LOC400499: variants seen among roughly 807,000 people sequenced by gnomAD.
the LOC400499 span, among the ~76,000 whole-genome samples, chr16:11,515,499 G>A: frequency 4.6e-3 from 692 of 150,930 alleles, 7 homozygotes; most frequent in African/African-American, 0.015. Flanking sequence ...ACATACATAC[G>A]TACGTACATA....
chr16:11,420,019 T>G, the LOC400499 span, among the ~76,000 whole-genome samples: 3 of 150,158 alleles, frequency 2.0e-5, no homozygotes, highest in Non-Finnish European at 4.4e-5. Context: ...GTTCAACCAT[T>G]GTGGAAGTCA....
At chr16:11,435,091 C>T in the LOC400499 span, among the ~76,000 whole-genome samples, 329 of 152,198 alleles carry the variant, frequency 2.2e-3, 1 homozygote, top group African/African-American at 7.5e-3. Flanking sequence ...GCAATCCTCT[C>T]GCCTCAGCCT....
the LOC400499 span, chr16:11,384,016 G>C: frequency 8.1e-7 from 1 of 1,231,798 alleles, no homozygotes; most frequent in African/African-American, 1.5e-5. Context: ...CACCTGGCAG[G>C]ATGGATGCAA....
At chr16:11,452,550 G>A in the LOC400499 span, among the ~76,000 whole-genome samples, 3 of 152,232 alleles carry the variant, frequency 2.0e-5, no homozygotes, top group African/African-American at 7.2e-5. Flanking sequence ...CAAAGTGAAT[G>A]GGGATGGCAC....
chr16:11,444,149 G>A, the LOC400499 span, among the ~76,000 whole-genome samples: 3 of 152,112 alleles, frequency 2.0e-5, no homozygotes, highest in African/African-American at 7.2e-5. Flanking sequence ...CCCAATCCCA[G>A]CACTTTGGAA....
chr16:11,507,368 C>T, the LOC400499 span, among the ~76,000 whole-genome samples: 1 of 127,628 alleles, frequency 7.8e-6, no homozygotes, highest in African/African-American at 4.9e-5. Context: ...GCCTCCCCCA[C>T]ACACTCCACA....
the LOC400499 span, chr16:11,469,207 C>T: frequency 2.5e-6 from 1 of 399,498 alleles, no homozygotes; most frequent in African/African-American, 2.1e-5. Context: ...TCATCCAGCA[C>T]CAGCTCCAAG....
chr16:11,459,053 AAAAT>A, the LOC400499 span, among the ~76,000 whole-genome samples: 21 of 151,760 alleles, frequency 1.4e-4, 1 homozygote, highest in African/African-American at 2.4e-5. Flanking sequence ...AATAAAAAAT[AAAAT>A]AAATAAATAA....
At chr16:11,443,529 C>T in the LOC400499 span, 2 of 337,792 alleles carry the variant, frequency 5.9e-6, no homozygotes, top group East Asian at 9.0e-5. Flanking sequence ...CTTCCTTGCA[C>T]ACAGTAGATG....
chr16:11,512,580 G>A, the LOC400499 span, among the ~76,000 whole-genome samples: 5 of 152,064 alleles, frequency 3.3e-5, no homozygotes, highest in Admixed American at 2.0e-4. Flanking sequence ...CAGCCTGGGC[G>A]ACAAAGCAAG....
At chr16:11,392,696 G>A in the LOC400499 span, 19 of 844,036 alleles carry the variant, frequency 2.3e-5, no homozygotes, top group African/African-American at 3.7e-5. Context: ...CCCCCGACAC[G>A]GCAGTCAGTT....
chr16:11,485,807 G>A, the LOC400499 span, among the ~76,000 whole-genome samples: 1 of 152,202 alleles, frequency 6.6e-6, no homozygotes, highest in Non-Finnish European at 1.5e-5. Flanking sequence ...GCAATGACTG[G>A]TGAGTGGATG....
At chr16:11,377,838 A>G in the LOC400499 span, among the ~76,000 whole-genome samples, 178 of 152,330 alleles carry the variant, frequency 1.2e-3, 5 homozygotes, top group East Asian at 0.019. Flanking sequence ...TCTTTCCTCA[A>G]TGTTTTGGAA....
the LOC400499 span, among the ~76,000 whole-genome samples, chr16:11,512,257 G>A: frequency 2.0e-5 from 3 of 151,910 alleles, no homozygotes; most frequent in African/African-American, 7.3e-5. Context: ...ACTCCAGCCT[G>A]GGCAACAGAG....
At chr16:11,515,487 ATACATACATACGTACG>A in the LOC400499 span, among the ~76,000 whole-genome samples, 2 of 145,564 alleles carry the variant, frequency 1.4e-5, no homozygotes, top group Admixed American at 6.6e-5. Context: ...ACGTACATAC[ATACATACATACGTACG>A]TACATACATA....
At chr16:11,401,542 T>C in the LOC400499 span, 2 of 398,008 alleles carry the variant, frequency 5.0e-6, no homozygotes, top group Non-Finnish European at 8.8e-6. Flanking sequence ...ACCCCATCCC[T>C]GTGCAAGGCC....
chr16:11,498,001 A>T, the LOC400499 span, among the ~76,000 whole-genome samples: 6 of 152,166 alleles, frequency 3.9e-5, no homozygotes, highest in Non-Finnish European at 8.8e-5. Context: ...AGCTGATTTC[A>T]CTTTTCCAAC....
At chr16:11,501,746 G>A in the LOC400499 span, among the ~76,000 whole-genome samples, 1 of 152,020 alleles carries the variant, frequency 6.6e-6, no homozygotes, top group South Asian at 2.1e-4. Flanking sequence ...GCCCCCAGCA[G>A]GAGGGTACCC....
At chr16:11,438,607 CAAAAA>C in the LOC400499 span, among the ~76,000 whole-genome samples, 3 of 59,846 alleles carry the variant, frequency 5.0e-5, no homozygotes, top group African/African-American at 7.6e-5. Flanking sequence ...CCTGTCTCTG[CAAAAA>C]AAAAAAAAAA....
Sources: gnomAD v4.1 joint callset for allele counts (sites outside exome capture counted in the v4.1 genomes callset) on GRCh38, gnomAD v4.1.1 for gene constraint, MANE v1.5 for transcripts.